Variants in VIL1 observed in about 807,000 individuals in gnomAD.
VIL1 encodes the protein villin 1.
In VIL1, 86 loss-of-function variants were observed where a neutral mutation model predicts 104.0. The observed-to-expected ratio is 0.83, with a 90% confidence interval of 0.69 to 0.99. VIL1 has a LOEUF of 0.99. Among genes scored for constraint, VIL1 ranks in the 50% least tolerant of loss-of-function variants. VIL1 has a pLI of 0.00. For synonymous variants in VIL1, 394 were observed against 412.6 expected, an observed-to-expected ratio of 0.95 and a Z score of 0.55; for missense variants, 944 against 1,054.1, an observed-to-expected ratio of 0.90 and a Z score of 1.45.
chr2:218,441,330 AGT>A (rs982433135), intron 19 of VIL1, among the ~76,000 whole-genome samples: 17 of 151,980 alleles, frequency 1.1e-4, no homozygotes, highest in African/African-American at 3.9e-4. Flanking sequence ...TGGAGGTTGC[AGT>A]GAGTCAAGAT....
chr2:218,449,092 C>A, intron 19 of VIL1, 131 bp from the exon 20 acceptor site: 1 of 705,116 alleles, frequency 1.4e-6, no homozygotes, highest in South Asian at 1.6e-5. Flanking sequence ...TCTCCTGACA[C>A]TGCTTCTGTT....
rs1394644716 is a variant in VIL1, at chr2:218,453,017, C to T, written c.*3681C>T. The T allele has an allele frequency of 1.3e-5, 2 of 148,570 alleles. No individual in the cohort carries two copies. The highest frequency in any genetic ancestry group is 2.9e-5 in the Non-Finnish European group (2 of 68,012). 9.2% of individuals were successfully genotyped at this position (148,570 alleles called of 1,614,324 possible). On this transcript the variant is annotated 3_prime_UTR_variant, in exon 20 of 20. Coordinates refer to ENST00000248444, the MANE Select transcript of VIL1 (RefSeq NM_007127.3). Reference sequence around the variant, plus strand: ...CTCTAAACTACTCTGGCGTTTTCTACCACTCTACCATTTTGGAACATTCAT... The same window carrying T: ...CTCTAAACTACTCTGGCGTTTTCTATCACTCTACCATTTTGGAACATTCAT...
At chr2:218,431,741 C>T (rs2106392754) in intron 10 of VIL1, 116 bp from the exon 11 acceptor site, 2 of 857,170 alleles carry the variant, frequency 2.3e-6, no homozygotes, top group Non-Finnish European at 3.8e-6. Flanking sequence ...TCTCTCTTGC[C>T]TCGGTTTCCT....
In VIL1 at chr2:218,419,214, G is replaced by A. The variant is rs1366966575; in HGVS notation, c.-12+46G>A. On this transcript the variant is annotated intron_variant, in intron 1 of 19. Coordinates refer to ENST00000248444, the MANE Select transcript of VIL1 (RefSeq NM_007127.3). Reference sequence around the variant, plus strand: ...CACATGGAGACCTTAGGTGGTGCGAGGGGACGGGGTCCTCTGCTTTTCTCG... The same window carrying A: ...CACATGGAGACCTTAGGTGGTGCGAAGGGACGGGGTCCTCTGCTTTTCTCG... 2.0e-5 allele frequency: 3 copies of A among 152,448 alleles called. No individual in the cohort carries two copies. In the East Asian group the frequency reaches 5.7e-4, roughly 29 times the overall value. The allele number at this position is 152,448 out of a possible 1,614,324, so 9.4% of individuals were successfully genotyped here.
In VIL1 at chr2:218,423,818, A is replaced by T; in HGVS notation, c.40A>T (p.Ile14Phe). The change falls in exon 2 of 20, where the codon ATC becomes TTC. Residue 14 changes from isoleucine to phenylalanine, a missense_variant. Coordinates refer to ENST00000248444, the MANE Select transcript of VIL1 (RefSeq NM_007127.3). ...LSAQVKGSLN[I>F]TTPGLQIWRI... ...CGCCCAAGTCAAAGGCTCTCTCAACATCACCACCCCGGGGCTGCAGATATG... is the reference window on the plus strand; with the variant it reads ...CGCCCAAGTCAAAGGCTCTCTCAACTTCACCACCCCGGGGCTGCAGATATG... The T allele has an allele frequency of 6.2e-7, 1 of 1,614,060 alleles. No homozygotes were observed. The highest frequency in any genetic ancestry group is 8.5e-7 in the Non-Finnish European group (1 of 1,179,994).
Position 218,434,589 on chromosome 2 carries a change from G to C in VIL1, c.1564G>C (p.Gly522Arg). The C allele has an allele frequency of 6.2e-7, 1 of 1,614,096 alleles. No homozygotes were observed. Among genetic ancestry groups the C allele is most frequent in the East Asian group, 2.2e-5 (1 of 44,882 alleles). Residue 522 changes from glycine (G) to arginine (R), a missense_variant, in exon 14 of 20, where the codon GGA (glycine) becomes CGA (arginine). Coordinates refer to ENST00000248444, the MANE Select transcript of VIL1 (RefSeq NM_007127.3). ...GPSTRLFQVQGTGANNTKAFE... is the reference protein window; with the variant it reads ...GPSTRLFQVQRTGANNTKAFE... The stretch of plus-strand genomic sequence containing the variant: ...CTCCACACGGCTGTTCCAGGTCCAG[G>C]GAACTGGCGCCAACAACACCAAGGC...
intron 17 of VIL1, among the ~76,000 whole-genome samples, chr2:218,437,672 G>T (rs780346872): frequency 7.2e-5 from 11 of 152,206 alleles, no homozygotes; most frequent in Non-Finnish European, 1.6e-4. Flanking sequence ...GGCAGCAGAG[G>T]TGAGAATGTT....
intron 3 of VIL1, among the ~76,000 whole-genome samples, chr2:218,424,843 A>G (rs1688952468): frequency 6.6e-6 from 1 of 152,036 alleles, no homozygotes; most frequent in Non-Finnish European, 1.5e-5. Flanking sequence ...ATTTTTTAGT[A>G]GAAACGGGGT....
intron 13 of VIL1, 72 bp from the exon 14 acceptor site, chr2:218,434,454 C>T (rs1574816663): frequency 1.3e-6 from 2 of 1,502,674 alleles, no homozygotes. Context: ...CCCTATCCCC[C>T]TCTGTTCCCC....
intron 13 of VIL1, among the ~76,000 whole-genome samples, chr2:218,434,185 A>G (rs1261494504): frequency 8.7e-5 from 11 of 126,048 alleles, no homozygotes; most frequent in Non-Finnish European, 8.9e-5. Flanking sequence ...GAACAAGAGC[A>G]AAACTCCGTC....
At chr2:218,444,525 G>A (rs567278819) in intron 19 of VIL1, among the ~76,000 whole-genome samples, 46 of 152,236 alleles carry the variant, frequency 3.0e-4, no homozygotes, top group Middle Eastern at 6.8e-3. Flanking sequence ...TGATCTGCCC[G>A]CCTTGGCCTC....
At position 218,425,611 on chromosome 2, in the gene VIL1, C is replaced by G; in HGVS notation, c.151-4C>G. Reference sequence around the variant, plus strand: ...CTCGGGTACACTGGACACCTTTTCCCTAGATCCACAAGACAGCCAGCAGCC... The same window carrying G: ...CTCGGGTACACTGGACACCTTTTCCGTAGATCCACAAGACAGCCAGCAGCC... On this transcript the variant is annotated splice_polypyrimidine_tract_variant and splice_region_variant and intron_variant, in intron 3 of 19. Transcript: ENST00000248444. 5 of 1,613,960 alleles carry G rather than the reference C, an allele frequency of 3.1e-6. No homozygotes were observed. Among genetic ancestry groups the G allele is most frequent in the Non-Finnish European group, 4.2e-6 (5 of 1,179,932 alleles).
chr2:218,434,771 C>T, intron 14 of VIL1, 66 bp downstream of exon 14: 5 of 1,530,380 alleles, frequency 3.3e-6, no homozygotes, highest in Non-Finnish European at 4.4e-6. Context: ...AGTTTCGCAG[C>T]AGCCCTAGGT....
chr2:218,442,102 A>T (rs1309965362), intron 19 of VIL1, among the ~76,000 whole-genome samples: 1 of 152,228 alleles, frequency 6.6e-6, no homozygotes, highest in Non-Finnish European at 1.5e-5. Context: ...TCTCAGGCCG[A>T]CAGGTAGGTG....
Position 218,452,812 on chromosome 2 carries a change from T to C in VIL1, c.*3476T>C, listed in dbSNP as rs1358184986. The stretch of plus-strand genomic sequence containing the variant: ...AATCTTTCCCAATAATTTTTAACAG[T>C]GCCTCTCAAATGCAAAGACACGTAA... On this transcript the variant is annotated 3_prime_UTR_variant, in exon 20 of 20. Transcript: ENST00000248444. The C allele has an allele frequency of 6.6e-6, 1 of 152,202 alleles. No individual in the cohort carries two copies. The highest frequency in any genetic ancestry group is 1.5e-5 in the Non-Finnish European group (1 of 68,042). 9.4% of individuals were successfully genotyped at this position (152,202 alleles called of 1,614,324 possible). A position where few individuals can be genotyped will look rare whatever the true frequency, so the allele number is the denominator to read the frequency against.
intron 19 of VIL1, among the ~76,000 whole-genome samples, chr2:218,446,086 C>A (rs1287589756): frequency 6.6e-6 from 1 of 152,106 alleles, no homozygotes; most frequent in African/African-American, 2.4e-5. Flanking sequence ...GATCTTTGGC[C>A]TTCCTAGTGT....
chr2:218,429,146 C>T (rs957558349), intron 6 of VIL1, 139 bp from the exon 7 acceptor site: 39 of 988,212 alleles, frequency 3.9e-5, no homozygotes, highest in East Asian at 2.3e-4. Context: ...TTGACCCCTC[C>T]GACGGGGAAA....
chr2:218,437,919 G>T lies in VIL1; in HGVS notation c.2160+607G>T, dbSNP rs73990479. ...AGCAAAGGTTTTCGGTAGGAAGAAGGCCAAGGTACAGTGAAGCCTGGCCTG... is the reference window on the plus strand; with the variant it reads ...AGCAAAGGTTTTCGGTAGGAAGAAGTCCAAGGTACAGTGAAGCCTGGCCTG... On this transcript the variant is annotated intron_variant, in intron 17 of 19. Coordinates refer to ENST00000248444, the MANE Select transcript of VIL1 (RefSeq NM_007127.3). Among the ~76,000 whole-genome samples the T allele has an allele frequency of 5.9e-3, 893 of 152,290 alleles. 10 individuals carry two copies. The highest frequency in any genetic ancestry group is 0.021 in the African/African-American group (862 of 41,562).
chr2:218,432,694 C>A, intron 12 of VIL1, 99 bp from the exon 13 acceptor site: 1 of 1,489,574 alleles, frequency 6.7e-7, no homozygotes, highest in Non-Finnish European at 9.1e-7. Context: ...GGGTTTAGGA[C>A]CAGTTCAGAC....
Sources: allele counts gnomAD v4.1 joint callset (sites outside exome capture counted in the v4.1 genomes callset), GRCh38; gene constraint gnomAD v4.1.1; transcripts MANE v1.5; gene names NCBI Gene and HGNC (gene_info 2026-07-23, HGNC 2026-07-21).